PTPRN2: variants seen among roughly 807,000 people sequenced by gnomAD.
PTPRN2 encodes the protein receptor-type tyrosine-protein phosphatase N2.
A neutral mutation model predicts 118.8 loss-of-function variants in PTPRN2; 74 were observed. The observed-to-expected ratio is 0.62, with a 90% CI of 0.52 to 0.76. The LOEUF (loss-of-function observed/expected upper bound fraction) is 0.76, where lower values mean the gene tolerates loss of function less well. Among genes scored for constraint, PTPRN2 ranks in the 30% least tolerant of loss-of-function variants. The pLI is 0.00. For synonymous variants in PTPRN2, 641 were observed against 608.0 expected, an observed-to-expected ratio of 1.05 and a Z score of -0.80; for missense variants, 1,481 against 1,394.4, an observed-to-expected ratio of 1.06 and a Z score of -0.99.
At chr7:157,548,870 C>T (rs548051139) in intron 22 of PTPRN2, 76 bp downstream of exon 22, 57 of 1,405,600 alleles carry the variant, frequency 4.1e-5, no homozygotes, top group Non-Finnish European at 5.5e-5. Flanking sequence ...AGGCCCTCCC[C>T]GTGCTCCTCT....
chr7:157,752,194 A>G (rs1801511150), intron 12 of PTPRN2, among the ~76,000 whole-genome samples: 1 of 152,242 alleles, frequency 6.6e-6, no homozygotes, highest in South Asian at 2.1e-4. Context: ...GGTTTTCTCC[A>G]GGGTGGGGGC....
chr7:158,003,301 C>T lies in PTPRN2; in HGVS notation c.1723+77997G>A, dbSNP rs1450836719. ...TGTTGGCGGGCGCCTGTAGTCCCAG[C>T]TACTTGGGAGGCTGAGGCAGGAGAA... is the stretch of plus-strand genomic sequence containing the variant. On this transcript the variant is annotated intron_variant, in intron 11 of 22. Coordinates refer to ENST00000389418, the MANE Select transcript of PTPRN2 (RefSeq NM_002847.5). The surrounding 1 kb of genome is among the most constrained non-coding windows in gnomAD (Gnocchi z 5.0). 2.0e-5 allele frequency among the ~76,000 whole-genome samples: 3 copies of T among 150,954 alleles called. No individual in the cohort carries two copies. Among genetic ancestry groups the T allele is most frequent in the Non-Finnish European group, 4.4e-5 (3 of 67,808 alleles).
At position 158,309,859 on chromosome 7, in the gene PTPRN2, A is replaced by G. The variant is rs1173996591; in HGVS notation, c.277+6960T>C. 1.4e-4 allele frequency among the ~76,000 whole-genome samples: 22 copies of G among 152,222 alleles called. 1 individual carries two copies. Among genetic ancestry groups the G allele is most frequent in the Admixed American group, 1.4e-3 (22 of 15,284 alleles). On this transcript the variant is annotated intron_variant, in intron 3 of 22. Coordinates refer to ENST00000389418, the MANE Select transcript of PTPRN2 (RefSeq NM_002847.5). The stretch of plus-strand genomic sequence containing the variant: ...TGCTGGAATTCTGATCCCCAGTGTG[A>G]CAGCATTAGGAGGTGAAGGCTTTGG...
chr7:157,652,213 C>T (rs1235031177), intron 14 of PTPRN2, among the ~76,000 whole-genome samples: 1 of 152,210 alleles, frequency 6.6e-6, no homozygotes, highest in African/African-American at 2.4e-5. Flanking sequence ...AGGCCCAAAC[C>T]CTACCAAGCA....
chr7:158,113,126 G>T (rs1816431166), intron 9 of PTPRN2, among the ~76,000 whole-genome samples: 1 of 152,158 alleles, frequency 6.6e-6, no homozygotes, highest in Admixed American at 6.5e-5. Context: ...CAAGCAGCGA[G>T]CTGGCAAGAA....
chr7:158,444,597 C>T (rs968700866), intron 2 of PTPRN2, among the ~76,000 whole-genome samples: 2 of 152,198 alleles, frequency 1.3e-5, no homozygotes, highest in African/African-American at 4.8e-5. Context: ...CCCCCTAGAC[C>T]CAGAGTGAGC....
intron 21 of PTPRN2, among the ~76,000 whole-genome samples, chr7:157,555,287 T>C (rs1487514150): frequency 6.6e-6 from 1 of 152,266 alleles, no homozygotes; most frequent in African/African-American, 2.4e-5. Flanking sequence ...TTTTTAGCTT[T>C]AGATAAAAAA....
At chr7:158,297,193 T>C (rs1340399491) in intron 3 of PTPRN2, among the ~76,000 whole-genome samples, 1 of 152,190 alleles carries the variant, frequency 6.6e-6, no homozygotes, top group Non-Finnish European at 1.5e-5. Flanking sequence ...TAAAAACTGA[T>C]CATGTTTCCT....
intron 11 of PTPRN2, among the ~76,000 whole-genome samples, chr7:157,904,808 G>C (rs993526156): frequency 6.6e-6 from 1 of 152,146 alleles, no homozygotes; most frequent in African/African-American, 2.4e-5. Flanking sequence ...CCTGCATCGC[G>C]AACGCTGCAC....
intron 11 of PTPRN2, among the ~76,000 whole-genome samples, chr7:158,072,193 C>T (rs142113215): frequency 2.7e-4 from 41 of 151,840 alleles, no homozygotes; most frequent in African/African-American, 9.7e-4. Context: ...GCATTTAACC[C>T]ACTCATCCTC....
intron 3 of PTPRN2, among the ~76,000 whole-genome samples, chr7:158,278,633 T>C (rs1286060126): frequency 6.6e-6 from 1 of 152,270 alleles, no homozygotes; most frequent in Admixed American, 6.5e-5. Flanking sequence ...TTGGTCTCGC[T>C]GACTTCAAGA....
intron 1 of PTPRN2, among the ~76,000 whole-genome samples, chr7:158,538,708 C>T (rs1825794304): frequency 6.6e-6 from 1 of 152,188 alleles, no homozygotes; most frequent in South Asian, 2.1e-4. Context: ...ACACCCCAGC[C>T]ACTACCTCAT....
chr7:158,584,734 A>T (rs545163416), intron 1 of PTPRN2, among the ~76,000 whole-genome samples: 11 of 152,366 alleles, frequency 7.2e-5, no homozygotes, highest in Admixed American at 6.5e-4. Context: ...GAAATAAGTC[A>T]GCATCGTGGA....
rs531433555 is a variant in PTPRN2, at chr7:158,522,776, G to A, written c.113-32991C>T. ...GCTCAGCGTCTCCCCTGGTTCTCAC[G>A]TGGACATTGGCTTTCCTTGTCTTGA... On this transcript the variant is annotated intron_variant, in intron 1 of 22. Transcript: ENST00000389418. Among the ~76,000 whole-genome samples, 25 of 152,316 alleles carry A rather than the reference G, an allele frequency of 1.6e-4. 1 individual carries two copies. The highest frequency in any genetic ancestry group is 6.2e-4 in the South Asian group (3 of 4,828).
At chr7:157,767,243 C>T (rs776238405) in intron 12 of PTPRN2, among the ~76,000 whole-genome samples, 5 of 152,198 alleles carry the variant, frequency 3.3e-5, no homozygotes, top group Non-Finnish European at 5.9e-5. Context: ...CCATCTGTGG[C>T]TTATGAACGC....
In PTPRN2 at chr7:158,225,928, A is replaced by G. The variant is rs7793689; in HGVS notation, c.278-20655T>C. Among the ~76,000 whole-genome samples, 2,189 of 151,734 alleles carry G rather than the reference A, an allele frequency of 0.014. 93 individuals carry two copies. In the East Asian group the frequency reaches 0.17, roughly 11 times the overall value. On this transcript the variant is annotated intron_variant, in intron 3 of 22. Coordinates refer to ENST00000389418, the MANE Select transcript of PTPRN2 (RefSeq NM_002847.5). ...GCAGGAACAGAGGGAGGGGAGTTGC[A>G]TAGTCACAGGAGGACGTCAAAGCTA...
At chr7:157,605,293 G>A (rs1047394633) in intron 15 of PTPRN2, among the ~76,000 whole-genome samples, 31 of 152,254 alleles carry the variant, frequency 2.0e-4, no homozygotes, top group African/African-American at 7.5e-4. Flanking sequence ...GGCCAGACCA[G>A]ACACACTGCA....
At chr7:158,158,547 A>G (rs5022124) in intron 6 of PTPRN2, among the ~76,000 whole-genome samples, 25,510 of 48,742 alleles carry the variant, frequency 0.52, 7,185 homozygotes, top group East Asian at 0.67. Context: ...GAGTGAACTC[A>G]GGAGAATCAG....
intron 11 of PTPRN2, among the ~76,000 whole-genome samples, chr7:158,069,464 C>G (rs1811040165): frequency 6.6e-6 from 1 of 152,176 alleles, no homozygotes; most frequent in Non-Finnish European, 1.5e-5. Flanking sequence ...TCCCAAAGTG[C>G]TGGGATGACA....
Sources: allele counts gnomAD v4.1 joint callset (sites outside exome capture counted in the v4.1 genomes callset), GRCh38; gene constraint gnomAD v4.1.1; non-coding constraint Gnocchi (gnomAD v3.1); transcripts MANE v1.5; gene names NCBI Gene and HGNC (gene_info 2026-07-23, HGNC 2026-07-21).